SGCZ: variants seen among roughly 807,000 people sequenced by gnomAD.
The protein encoded by SGCZ is zeta-sarcoglycan.
In SGCZ, 40 loss-of-function variants were observed where a neutral mutation model predicts 41.3. The observed-to-expected ratio is 0.97, with a 90% CI of 0.75 to 1.26. The LOEUF (loss-of-function observed/expected upper bound fraction) is 1.26. Among genes scored for constraint, SGCZ ranks in the 50% most tolerant of loss-of-function variants. The pLI, the probability that SGCZ is intolerant of heterozygous loss-of-function variation, is 0.00. For missense variants in SGCZ, 552 were observed against 369.8 expected (o/e 1.49, Z -4.04); for synonymous variants, 206 against 137.5 (o/e 1.50, Z -3.49).
chr8:14,322,583 G>A (rs1563256596), intron 3 of SGCZ, among the ~76,000 whole-genome samples: 1 of 152,050 alleles, frequency 6.6e-6, no homozygotes, highest in South Asian at 2.1e-4. Context: ...CCTGCCTGCT[G>A]GTAGAGGGTT....
rs139065853 is a variant in SGCZ, at chr8:14,478,499, T to G, written c.234+76233A>C. 6.4e-3 allele frequency among the ~76,000 whole-genome samples: 977 copies of G among 152,178 alleles called. 18 individuals carry two copies. Among genetic ancestry groups the G allele is most frequent in the African/African-American group, 0.021 (887 of 41,496 alleles). On this transcript the variant is annotated intron_variant, in intron 2 of 7. Coordinates refer to ENST00000382080, the MANE Select transcript of SGCZ (RefSeq NM_139167.4). ...GAAAGGCCAAACTATGGCAGCAGTT[T>G]GAAAAAATCAGTGATTGACAGGTGT...
chr8:15,169,250 T>A (rs767446244), intron 1 of SGCZ, among the ~76,000 whole-genome samples: 1 of 152,026 alleles, frequency 6.6e-6, no homozygotes, highest in African/African-American at 2.4e-5. Flanking sequence ...GATGTACTTC[T>A]TTAAAGGGGG....
Position 14,775,460 on chromosome 8 carries a change from A to ACTGTGTGTGT in SGCZ, c.40-220535_40-220534insACACACACAG, listed in dbSNP as rs1358479725. On this transcript the variant is annotated intron_variant, in intron 1 of 7. Coordinates refer to ENST00000382080, the MANE Select transcript of SGCZ (RefSeq NM_139167.4). ...GACAGTATGCTGAGTAGAATATTTG[A>ACTGTGTGTGT]GTGTGTGTGTGTGTGTGTGTGTGTG... Among the ~76,000 whole-genome samples the ACTGTGTGTGT allele has an allele frequency of 2.2e-3, 326 of 149,310 alleles. 2 individuals carry two copies. Among genetic ancestry groups the ACTGTGTGTGT allele is most frequent in the South Asian group, 8.6e-3 (40 of 4,664 alleles).
intron 5 of SGCZ, among the ~76,000 whole-genome samples, chr8:14,116,460 T>C (rs576973554): frequency 1.3e-5 from 2 of 152,216 alleles, no homozygotes; most frequent in African/African-American, 4.8e-5. Context: ...CAGCTTGCCT[T>C]AATATGTAAT....
chr8:15,010,210 T>C (rs566050552), intron 1 of SGCZ, among the ~76,000 whole-genome samples: 54 of 152,310 alleles, frequency 3.5e-4, no homozygotes, highest in African/African-American at 1.0e-3. Flanking sequence ...CATATAAAAA[T>C]AGAAGAATGC....
intron 2 of SGCZ, among the ~76,000 whole-genome samples, chr8:14,356,519 A>G (rs1803297401): frequency 6.6e-6 from 1 of 152,200 alleles, no homozygotes; most frequent in Non-Finnish European, 1.5e-5. Context: ...CTTCAAGAAT[A>G]AAGTAGAACT....
At chr8:14,157,804 T>C (rs2116968460) in intron 5 of SGCZ, among the ~76,000 whole-genome samples, 1 of 152,218 alleles carries the variant, frequency 6.6e-6, no homozygotes, top group Non-Finnish European at 1.5e-5. Flanking sequence ...TAGCTCAAAT[T>C]ATATAAAGTT....
chr8:14,858,055 G>C (rs1803601422), intron 1 of SGCZ, among the ~76,000 whole-genome samples: 1 of 152,014 alleles, frequency 6.6e-6, no homozygotes, highest in African/African-American at 2.4e-5. Flanking sequence ...ATATTTATTA[G>C]AGTCTCTGTT....
intron 1 of SGCZ, among the ~76,000 whole-genome samples, chr8:14,905,427 A>G (rs1019923811): frequency 1.3e-5 from 2 of 152,198 alleles, no homozygotes; most frequent in Non-Finnish European, 1.5e-5. Flanking sequence ...AGGTAGTATA[A>G]TACTAAGTCC....
chr8:15,071,980 C>T (rs933831594), intron 1 of SGCZ, among the ~76,000 whole-genome samples: 4 of 152,118 alleles, frequency 2.6e-5, no homozygotes, highest in African/African-American at 4.8e-5. Flanking sequence ...TGACTGGGAA[C>T]GACTTGCACC....
chr8:14,237,514 C>T, intron 4 of SGCZ, 78 bp downstream of exon 4: 6 of 1,311,376 alleles, frequency 4.6e-6, no homozygotes, highest in Admixed American at 3.6e-5. Flanking sequence ...ACAACGACAA[C>T]AACAAGAACC....
intron 1 of SGCZ, among the ~76,000 whole-genome samples, chr8:14,926,842 T>C (rs982078965): frequency 6.6e-6 from 1 of 152,034 alleles, no homozygotes; most frequent in Admixed American, 6.6e-5. Flanking sequence ...GGTTTCACCA[T>C]GTTGTCCAGG....
intron 1 of SGCZ, among the ~76,000 whole-genome samples, chr8:14,640,901 A>G (rs567545754): frequency 2.0e-5 from 3 of 151,802 alleles, no homozygotes; most frequent in Non-Finnish European, 4.4e-5. Flanking sequence ...CATCTTATTT[A>G]GAATATCTGG....
chr8:14,380,600 T>A (rs1410632194), intron 2 of SGCZ, among the ~76,000 whole-genome samples: 2 of 152,170 alleles, frequency 1.3e-5, no homozygotes, highest in African/African-American at 2.4e-5. Context: ...ATGCCTGTAA[T>A]CCCAGTACTT....
intron 3 of SGCZ, among the ~76,000 whole-genome samples, chr8:14,259,919 G>A (rs557556306): frequency 9.9e-5 from 15 of 152,152 alleles, no homozygotes; most frequent in African/African-American, 2.6e-4. Context: ...CCATTTTCAC[G>A]ATATTGATTC....
intron 4 of SGCZ, among the ~76,000 whole-genome samples, chr8:14,171,354 CA>C (rs1427085233): frequency 6.6e-6 from 1 of 151,870 alleles, no homozygotes; most frequent in African/African-American, 2.4e-5. Flanking sequence ...ACTTTAAACA[CA>C]ATTATGAAGA....
At chr8:15,231,237 C>T (rs889369808) in intron 1 of SGCZ, among the ~76,000 whole-genome samples, 1 of 152,094 alleles carries the variant, frequency 6.6e-6, no homozygotes, top group East Asian at 1.9e-4. Flanking sequence ...TGCTAAAATC[C>T]TCTATTTTTA....
intron 1 of SGCZ, among the ~76,000 whole-genome samples, chr8:15,178,478 G>C (rs1402273283): frequency 6.6e-6 from 1 of 152,122 alleles, no homozygotes; most frequent in African/African-American, 2.4e-5. Flanking sequence ...AATGCTCAGA[G>C]CATGGTAATA....
intron 2 of SGCZ, among the ~76,000 whole-genome samples, chr8:14,334,784 T>C (rs1279813769): frequency 6.6e-6 from 1 of 152,102 alleles, no homozygotes; most frequent in Non-Finnish European, 1.5e-5. Flanking sequence ...CCATAGACTG[T>C]TTTAAAGGAA....
Sources: allele counts gnomAD v4.1 joint callset (sites outside exome capture counted in the v4.1 genomes callset), GRCh38; gene constraint gnomAD v4.1.1; transcripts MANE v1.5; gene names NCBI Gene and HGNC (gene_info 2026-07-23, HGNC 2026-07-21).